The following EBPL variants were observed in gnomAD, a reference collection of about 807,000 sequenced individuals.
EBPL encodes EBP like, also known as emopamil-binding protein-like.
In EBPL, 20 loss-of-function variants were observed where a neutral mutation model predicts 19.0. The observed-to-expected ratio is 1.05, with a 90% CI of 0.74 to 1.53. EBPL has a LOEUF of 1.53. Ranked by LOEUF, EBPL falls within the 40% of genes most tolerant of loss-of-function variation. The probability of loss-of-function intolerance (pLI) is 0.00; values close to 1 mark genes in which losing one functional copy is unlikely to be tolerated. For missense variants in EBPL, 219 were observed against 261.1 expected (o/e 0.84, Z 1.11); for synonymous variants, 107 against 117.0 (o/e 0.91, Z 0.55).
chr13:49,668,677 A>AG (rs1953774260), intron 2 of EBPL: 1 of 373,012 alleles, frequency 2.7e-6, no homozygotes, highest in East Asian at 7.9e-5. Flanking sequence ...GTGGTAAAAA[A>AG]AAATACCTGT....
At chr13:49,679,718 T>C (rs1047962475) in intron 1 of EBPL, among the ~76,000 whole-genome samples, 4 of 152,072 alleles carry the variant, frequency 2.6e-5, no homozygotes, top group Non-Finnish European at 5.9e-5. Flanking sequence ...TGGTTGAGGT[T>C]GGTCTAGAAC....
intron 2 of EBPL, among the ~76,000 whole-genome samples, chr13:49,667,412 G>A (rs1369718979): frequency 1.3e-5 from 2 of 152,104 alleles, no homozygotes; most frequent in African/African-American, 4.8e-5. Context: ...TGGAGACCAG[G>A]AGATGCTGAG....
In EBPL at chr13:49,661,214, GGAGA is replaced by G; in HGVS notation, c.381-10_381-7del. 6.2e-7 allele frequency: 1 copy of G among 1,607,142 alleles called. No homozygotes were observed. The highest frequency in any genetic ancestry group is 8.5e-7 in the Non-Finnish European group (1 of 1,176,362). ...GGGTGATCTGCAGGAAATGCCTGTT[GGAGA>G]GAAAGAAGCCCGGGATGAACCACCA... is the stretch of plus-strand genomic sequence containing the variant. On this transcript the variant is annotated splice_region_variant and splice_polypyrimidine_tract_variant and intron_variant, in intron 3 of 3. Coordinates refer to ENST00000242827, the MANE Select transcript of EBPL (RefSeq NM_032565.5).
intron 1 of EBPL, among the ~76,000 whole-genome samples, chr13:49,676,973 G>T (rs145953849): frequency 7.9e-5 from 12 of 152,172 alleles, no homozygotes; most frequent in African/African-American, 2.9e-4. Flanking sequence ...AAAGTCCTTT[G>T]TTGAAACATT....
chr13:49,691,404 C>A lies in EBPL; in HGVS notation c.21G>T (p.Leu7=). The A allele has an allele frequency of 7.4e-7, 1 of 1,352,292 alleles. No individual in the cohort carries two copies. 83.8% of individuals were successfully genotyped at this position (1,352,292 alleles called of 1,614,324 possible). A position where few individuals can be genotyped will look rare whatever the true frequency, so the allele number is the denominator to read the frequency against. MGAEWE[L]GAEAGGSLLL... is the part of the protein sequence containing the mutation. ...GCAGCGAACCGCCAGCCTCGGCCCC[C>A]AGCTCCCACTCAGCGCCCATGCTTC... is the stretch of plus-strand genomic sequence containing the variant. Residue 7 remains leucine, a synonymous_variant, in exon 1 of 4, where the codon CTG becomes CTT. Transcript: ENST00000242827.
intron 1 of EBPL, among the ~76,000 whole-genome samples, chr13:49,673,960 A>ACACACACACAC (rs1437613957): frequency 1.5e-4 from 5 of 33,466 alleles, no homozygotes; most frequent in South Asian, 1.3e-3. Flanking sequence ...TATGGAACTT[A>ACACACACACAC]ATACACACAC....
At chr13:49,686,252 G>C (rs929030457) in intron 1 of EBPL, among the ~76,000 whole-genome samples, 1 of 152,086 alleles carries the variant, frequency 6.6e-6, no homozygotes, top group African/African-American at 2.4e-5. Context: ...CCATCCTCTC[G>C]CCCAGACCTT....
chr13:49,683,452 A>C (rs1594416136), intron 1 of EBPL, among the ~76,000 whole-genome samples: 1 of 151,686 alleles, frequency 6.6e-6, no homozygotes. Flanking sequence ...AATGGTGTGA[A>C]CCCGGGAGGC....
At chr13:49,688,559 A>C (rs2104182) in intron 1 of EBPL, among the ~76,000 whole-genome samples, 16,781 of 152,020 alleles carry the variant, frequency 0.11, 1,142 homozygotes, top group South Asian at 0.26. Flanking sequence ...CTCTACAAAA[A>C]ATACAAAAAA....
intron 1 of EBPL, among the ~76,000 whole-genome samples, chr13:49,685,880 G>T (rs1953991926): frequency 1.3e-5 from 2 of 151,940 alleles, no homozygotes; most frequent in Admixed American, 1.3e-4. Flanking sequence ...AAAAAAAAGG[G>T]ACAAGAATTA....
At chr13:49,678,275 G>C (rs1953899585) in intron 1 of EBPL, among the ~76,000 whole-genome samples, 1 of 152,200 alleles carries the variant, frequency 6.6e-6, no homozygotes, top group African/African-American at 2.4e-5. Context: ...GCTTCCCCTA[G>C]TGGATCCCGC....
rs914933108 is a variant in EBPL at position 49,680,879 on chromosome 13, T to TA, written c.171+10374dup. On this transcript the variant is annotated intron_variant, in intron 1 of 3. Transcript: ENST00000242827. ...AAATATATGTGATACATGTTAAAGT[T>TA]AAAAAAAAATTATAAAAAGGTACAA... 4.6e-5 allele frequency among the ~76,000 whole-genome samples: 7 copies of TA among 151,428 alleles called. No homozygotes were observed. The South Asian group carries it at 6.3e-4, about 14-fold the overall frequency.
chr13:49,669,429 A>C (rs1035981513), intron 2 of EBPL, among the ~76,000 whole-genome samples: 6 of 152,190 alleles, frequency 3.9e-5, no homozygotes, highest in African/African-American at 1.4e-4. Flanking sequence ...ATATTGTTTA[A>C]TATAATAGCT....
rs953281575 is a variant in EBPL, at chr13:49,691,404, C to T, written c.21G>A (p.Leu7=). 1.7e-5 allele frequency: 23 copies of T among 1,352,174 alleles called. No individual in the cohort carries two copies. The highest frequency in any genetic ancestry group is 2.1e-5 in the Non-Finnish European group (22 of 1,052,246). 83.8% of individuals were successfully genotyped at this position (1,352,174 alleles called of 1,614,324 possible). The stretch of plus-strand genomic sequence containing the variant: ...GCAGCGAACCGCCAGCCTCGGCCCC[C>T]AGCTCCCACTCAGCGCCCATGCTTC... MGAEWE[L]GAEAGGSLLL... is the part of the protein sequence containing the mutation. The change falls in exon 1 of 4, where the codon CTG becomes CTA. Residue 7 remains leucine, a synonymous_variant. Transcript: ENST00000242827.
chr13:49,661,299 A>C, intron 3 of EBPL, 91 bp from the exon 4 acceptor site: 1 of 1,065,586 alleles, frequency 9.4e-7, no homozygotes, highest in Non-Finnish European at 1.4e-6. Flanking sequence ...GGCGGCATCA[A>C]CAGTCTTCGC....
chr13:49,674,722 A>G (rs1392515064), intron 1 of EBPL, among the ~76,000 whole-genome samples: 2 of 151,776 alleles, frequency 1.3e-5, no homozygotes, highest in African/African-American at 4.8e-5. Context: ...AAGATGAGGG[A>G]GCTGTAGCTG....
chr13:49,686,602 T>C (rs1566323013), intron 1 of EBPL: 1 of 1,289,270 alleles, frequency 7.8e-7, no homozygotes. Flanking sequence ...TCTCCTAGGA[T>C]AGATATTTTA....
At chr13:49,670,348 C>G (rs1158849398) in intron 1 of EBPL, among the ~76,000 whole-genome samples, 1 of 152,204 alleles carries the variant, frequency 6.6e-6, no homozygotes, top group Non-Finnish European at 1.5e-5. Flanking sequence ...AAAACAGTTA[C>G]AGGCTACATT....
At chr13:49,678,758 A>AG in intron 1 of EBPL, among the ~76,000 whole-genome samples, 1 of 152,254 alleles carries the variant, frequency 6.6e-6, no homozygotes, top group East Asian at 1.9e-4. Context: ...GGGCTCCTCA[A>AG]GCATGGCCAG....
Sources: gnomAD v4.1 joint callset for allele counts (sites outside exome capture counted in the v4.1 genomes callset) on GRCh38, gnomAD v4.1.1 for gene constraint, MANE v1.5 for transcripts, NCBI Gene and HGNC (gene_info 2026-07-23, HGNC 2026-07-21) for gene names.